The following TENM1 variants were observed in gnomAD, a reference collection of about 807,000 sequenced individuals.
TENM1 encodes teneurin-1.
In TENM1, 35 loss-of-function variants were observed where a neutral mutation model predicts 174.8. The observed-to-expected ratio is 0.20, with a 90% confidence interval of 0.15 to 0.27. The LOEUF is 0.27. TENM1 is among the 10% of genes least tolerant of loss of function. The pLI, the probability that TENM1 is intolerant of heterozygous loss-of-function variation, is 1.00. For synonymous variants in TENM1, 781 were observed against 798.7 expected (o/e 0.98, Z 0.37); for missense variants, 1,633 against 2,130.1 (o/e 0.77, Z 4.59).
At chrX:125,011,606 C>T in the TENM1 span, among the ~76,000 whole-genome samples, 17 of 111,895 alleles carry the variant, frequency 1.5e-4, no homozygotes, top group African/African-American at 5.5e-4. Context: ...TCACTGGTCA[C>T]TAGAGAAATG....
At chrX:124,847,128 T>G (rs1009720751) in intron 3 of TENM1, among the ~76,000 whole-genome samples, 43 of 111,056 alleles carry the variant, frequency 3.9e-4, no homozygotes, top group African/African-American at 1.3e-3. Context: ...GGTTTCTTTA[T>G]TAAAGGACTT....
chrX:124,855,262 C>A (rs2056793121), intron 3 of TENM1, among the ~76,000 whole-genome samples: 1 of 111,684 alleles, frequency 9.0e-6, no homozygotes, highest in African/African-American at 3.2e-5. Context: ...GATAAGCCTT[C>A]ACTATAGAAG....
At chrX:124,639,329 T>C (rs2050955465) in intron 11 of TENM1, among the ~76,000 whole-genome samples, 1 of 111,904 alleles carries the variant, frequency 8.9e-6, no homozygotes, top group Admixed American at 9.5e-5. Flanking sequence ...TTCGTTCCTC[T>C]CTTGTCCATG....
chrX:124,468,491 T>A (rs2061265546), intron 22 of TENM1, among the ~76,000 whole-genome samples: 1 of 112,615 alleles, frequency 8.9e-6, no homozygotes, highest in African/African-American at 3.2e-5. Flanking sequence ...ACATATCTAT[T>A]TCTTAAAAAG....
the TENM1 span, among the ~76,000 whole-genome samples, chrX:124,999,071 G>T: frequency 1.8e-5 from 2 of 111,160 alleles, no homozygotes; most frequent in Non-Finnish European, 3.8e-5. Context: ...GTGGCATGAA[G>T]AAATTAGATG....
At chrX:124,883,752 C>G (rs1203438283) in intron 3 of TENM1, among the ~76,000 whole-genome samples, 4 of 111,810 alleles carry the variant, frequency 3.6e-5, no homozygotes, top group Non-Finnish European at 7.5e-5. Context: ...GTGGTGCATG[C>G]TGACGGGTAC....
At chrX:124,569,893 GAATA>G (rs2148185483) in intron 11 of TENM1, among the ~76,000 whole-genome samples, 1 of 111,011 alleles carries the variant, frequency 9.0e-6, no homozygotes, top group South Asian at 3.8e-4. Context: ...AATACAATAG[GAATA>G]AATATACTAC....
At chrX:124,457,450 C>A (rs1282121833) in intron 22 of TENM1, among the ~76,000 whole-genome samples, 1 of 112,070 alleles carries the variant, frequency 8.9e-6, no homozygotes, top group Non-Finnish European at 1.9e-5. Context: ...GAACTGCAGG[C>A]TCTTTTCTCT....
At chrX:124,402,248 T>C (rs749628154) in intron 27 of TENM1, among the ~76,000 whole-genome samples, 5 of 112,149 alleles carry the variant, frequency 4.5e-5, no homozygotes, top group Non-Finnish European at 1.9e-5. Context: ...ACTAAACATA[T>C]GTAAATGATT....
chrX:124,926,310 C>T lies in TENM1; in HGVS notation c.218-30069G>A, dbSNP rs190221653. Among the ~76,000 whole-genome samples the T allele has an allele frequency of 5.7e-3, 633 of 111,596 alleles. 5 individuals carry two copies. The highest frequency in any genetic ancestry group is 8.7e-3 in the Non-Finnish European group (460 of 53,016). ...CTCTCTGAGCCTCAATTTCCCTCTC[C>T]TTAAAATGAAGATAACAATACCTGT... is the stretch of plus-strand genomic sequence containing the variant. On this transcript the variant is annotated intron_variant, in intron 1 of 31. Coordinates refer to ENST00000422452, the Ensembl canonical transcript of TENM1.
intron 26 of TENM1, among the ~76,000 whole-genome samples, 162 bp from the exon 30 acceptor site, chrX:124,405,428 C>T (rs1354606242): frequency 4.5e-5 from 5 of 112,044 alleles, no homozygotes; most frequent in Non-Finnish European, 9.4e-5. Context: ...GACAGGCAAA[C>T]GTGTTCCCTA....
At chrX:124,431,839 G>C (rs1352536915) in intron 23 of TENM1, among the ~76,000 whole-genome samples, 1 of 112,135 alleles carries the variant, frequency 8.9e-6, no homozygotes, top group Non-Finnish European at 1.9e-5. Context: ...TGGCTGGAGA[G>C]TTTGAAGAAC....
the TENM1 span, among the ~76,000 whole-genome samples, chrX:125,077,400 G>T: frequency 9.0e-6 from 1 of 110,928 alleles, no homozygotes; most frequent in Non-Finnish European, 1.9e-5. Flanking sequence ...TTCATTAACA[G>T]ATTTTTTATA....
chrX:125,177,876 C>T, the TENM1 span, among the ~76,000 whole-genome samples: 1 of 111,804 alleles, frequency 8.9e-6, no homozygotes. Context: ...GTAGCAAAAC[C>T]CCAAGGTTTT....
intron 4 of TENM1, 67 bp downstream of exon 7, chrX:124,736,890 T>C: frequency 8.8e-7 from 1 of 1,131,253 alleles, no homozygotes; most frequent in Non-Finnish European, 1.2e-6. Flanking sequence ...GAAATGAGTT[T>C]CTGCAATCAG....
chrX:124,864,729 G>A (rs917422131), intron 3 of TENM1, among the ~76,000 whole-genome samples: 1 of 110,476 alleles, frequency 9.1e-6, no homozygotes, highest in Non-Finnish European at 1.9e-5. Flanking sequence ...CAAACCTAGA[G>A]AAACATATCA....
At chrX:124,829,924 G>A (rs1302513918) in intron 3 of TENM1, among the ~76,000 whole-genome samples, 3 of 111,978 alleles carry the variant, frequency 2.7e-5, no homozygotes, top group Non-Finnish European at 5.6e-5. Flanking sequence ...TGTGCCTTTT[G>A]ATAGTTCATA....
chrX:124,474,893 C>A (rs998947376), intron 22 of TENM1, among the ~76,000 whole-genome samples: 2 of 112,173 alleles, frequency 1.8e-5, no homozygotes, highest in African/African-American at 6.5e-5. Flanking sequence ...GAAACCCCCC[C>A]TAAATGAAAA....
At chrX:124,883,579 CAGTGGACCAAGTG>C (rs2057336429) in intron 3 of TENM1, among the ~76,000 whole-genome samples, 1 of 112,332 alleles carries the variant, frequency 8.9e-6, no homozygotes, top group Non-Finnish European at 1.9e-5. Context: ...GCAATTGCAG[CAGTGGACCAAGTG>C]AGTGGGTGGG....
Sources: gnomAD v4.1 joint callset for allele counts (sites outside exome capture counted in the v4.1 genomes callset) on GRCh38, gnomAD v4.1.1 for gene constraint, MANE v1.5 for transcripts, NCBI Gene and HGNC (gene_info 2026-07-23, HGNC 2026-07-21) for gene names.